XKR4: variants seen among roughly 807,000 people sequenced by gnomAD.
XKR4 encodes XK-related protein 4.
XKR4 carries 12 observed loss-of-function variants against 53.9 expected under a neutral mutation model. That is an observed-to-expected ratio of 0.22 (90% CI 0.14 to 0.36). The LOEUF is 0.36. Among genes scored for constraint, XKR4 ranks in the 10% least tolerant of loss-of-function variants. The probability of loss-of-function intolerance (pLI) is 1.00; values close to 1 mark genes in which losing one functional copy is unlikely to be tolerated. For missense variants in XKR4, 799 were observed against 859.5 expected (o/e 0.93, Z 0.88); for synonymous variants, 354 against 362.4 (o/e 0.98, Z 0.26).
At chr8:55,470,773 C>T (rs1238405799) in intron 2 of XKR4, among the ~76,000 whole-genome samples, 1 of 152,118 alleles carries the variant, frequency 6.6e-6, no homozygotes, top group African/African-American at 2.4e-5. Flanking sequence ...ATCCTTCCTA[C>T]TGATCACTTT....
intron 1 of XKR4, among the ~76,000 whole-genome samples, chr8:55,125,293 C>T (rs1205107130): frequency 6.6e-6 from 1 of 151,230 alleles, no homozygotes; most frequent in East Asian, 1.9e-4. Flanking sequence ...TGTAGTGACA[C>T]GATCTCAGCT....
chr8:55,348,691 T>TACACAC (rs796321076), intron 1 of XKR4, among the ~76,000 whole-genome samples: 3,194 of 136,170 alleles, frequency 0.023, 111 homozygotes, highest in African/African-American at 0.079. Flanking sequence ...CAGACAAACA[T>TACACAC]ACACACACAC....
At chr8:55,128,198 C>G (rs968516839) in intron 1 of XKR4, among the ~76,000 whole-genome samples, 7 of 152,040 alleles carry the variant, frequency 4.6e-5, no homozygotes, top group Admixed American at 4.6e-4. Flanking sequence ...GTCCCACCAA[C>G]AGTGTAAAAG....
Position 55,210,786 on chromosome 8 carries a change from TCA to T in XKR4, c.806+107495_806+107496del, listed in dbSNP as rs143157199. Among the ~76,000 whole-genome samples the T allele has an allele frequency of 8.7e-3, 1,328 of 152,256 alleles. 14 individuals carry two copies. The highest frequency in any genetic ancestry group is 0.031 in the Middle Eastern group (9 of 294). ...GGTCCCAGAAAAATGGGTTGCCAAT[TCA>T]CAGTTTGGATACAGAGGCTTTTATA... On this transcript the variant is annotated intron_variant, in intron 1 of 2. Transcript: ENST00000327381.
chr8:55,296,991 G>T (rs752428489), intron 1 of XKR4, among the ~76,000 whole-genome samples: 2 of 152,114 alleles, frequency 1.3e-5, no homozygotes, highest in South Asian at 2.1e-4. Flanking sequence ...ACGATTGAGG[G>T]TCTCTATTTC....
intron 2 of XKR4, among the ~76,000 whole-genome samples, chr8:55,470,645 G>A (rs541561894): frequency 6.6e-6 from 1 of 152,214 alleles, no homozygotes; most frequent in South Asian, 2.1e-4. Flanking sequence ...ATTTTTTAAA[G>A]CAAGGCAAGC....
intron 1 of XKR4, among the ~76,000 whole-genome samples, chr8:55,270,545 G>T (rs549467088): frequency 6.6e-6 from 1 of 152,164 alleles, no homozygotes; most frequent in South Asian, 2.1e-4. Flanking sequence ...GGCACCATGT[G>T]TTAACAGACT....
At chr8:55,106,810 T>C (rs927397561) in intron 1 of XKR4, among the ~76,000 whole-genome samples, 1 of 152,182 alleles carries the variant, frequency 6.6e-6, no homozygotes, top group Non-Finnish European at 1.5e-5. Context: ...GGTTTTGTTT[T>C]TGAGTCTCCA....
intron 1 of XKR4, chr8:55,164,127 C>G: frequency 2.2e-6 from 1 of 453,066 alleles, no homozygotes. Context: ...GACCACAGCC[C>G]CAGACCAGCC....
chr8:55,157,842 A>G (rs1451888198), intron 1 of XKR4, among the ~76,000 whole-genome samples: 2 of 151,884 alleles, frequency 1.3e-5, no homozygotes, highest in Non-Finnish European at 2.9e-5. Context: ...TGTTGCTGCA[A>G]AGGACATGAT....
At chr8:55,191,846 TC>T (rs1563479354) in intron 1 of XKR4, among the ~76,000 whole-genome samples, 1 of 152,132 alleles carries the variant, frequency 6.6e-6, no homozygotes, top group Non-Finnish European at 1.5e-5. Context: ...CAGCTGCCAT[TC>T]CTAAAAGTAT....
At chr8:55,448,549 G>A (rs1403047708) in intron 2 of XKR4, among the ~76,000 whole-genome samples, 2 of 152,186 alleles carry the variant, frequency 1.3e-5, no homozygotes, top group Non-Finnish European at 2.9e-5. Flanking sequence ...ATGTGGTTTG[G>A]GGAAGAGGCT....
chr8:55,286,604 G>A (rs1190090174), intron 1 of XKR4, among the ~76,000 whole-genome samples: 1 of 152,188 alleles, frequency 6.6e-6, no homozygotes, highest in Non-Finnish European at 1.5e-5. Context: ...GCTGTTGGAG[G>A]TCCCAGGGCA....
At chr8:55,403,783 C>A (rs1161955858) in intron 2 of XKR4, among the ~76,000 whole-genome samples, 1 of 152,212 alleles carries the variant, frequency 6.6e-6, no homozygotes, top group Non-Finnish European at 1.5e-5. Flanking sequence ...TTTCCTCCCT[C>A]TCTCCCTCAC....
intron 1 of XKR4, among the ~76,000 whole-genome samples, chr8:55,158,213 T>C (rs955328032): frequency 1.3e-5 from 2 of 152,238 alleles, no homozygotes; most frequent in Non-Finnish European, 2.9e-5. Flanking sequence ...TAGTGTGAGA[T>C]GGTATCCCAT....
chr8:55,264,143 G>A (rs558427899), intron 1 of XKR4, among the ~76,000 whole-genome samples: 2 of 152,224 alleles, frequency 1.3e-5, no homozygotes, highest in South Asian at 4.2e-4. Context: ...CAGGGCCTTG[G>A]CACCTGCTGT....
In XKR4 at chr8:55,523,635, G is replaced by A. The variant is rs1259367990; in HGVS notation, c.1361G>A (p.Arg454His). The change falls in exon 3 of 3, where the codon CGC (arginine) becomes CAC (histidine). Residue 454 changes from arginine to histidine, a missense_variant. Physicochemically the swap from Arg to His is conservative, Grantham distance 29. Coordinates refer to ENST00000327381, the MANE Select transcript of XKR4 (RefSeq NM_052898.2). ...TTCAATGTCAAGGAAGGCAGGACAC[G>A]CTGCAGGCTATTCATTTACTATTTT... ...SWFNVKEGRT[R>H]CRLFIYYFVI... 4 of 1,614,166 alleles carry A rather than the reference G, an allele frequency of 2.5e-6. No homozygotes were observed. Among genetic ancestry groups the A allele is most frequent in the Non-Finnish European group, 3.4e-6 (4 of 1,180,028 alleles).
At chr8:55,264,475 G>A (rs1818571226) in intron 1 of XKR4, among the ~76,000 whole-genome samples, 1 of 152,194 alleles carries the variant, frequency 6.6e-6, no homozygotes, top group Non-Finnish European at 1.5e-5. Flanking sequence ...GCTGTCCCTG[G>A]CTAACATCTG....
intron 1 of XKR4, among the ~76,000 whole-genome samples, chr8:55,148,063 G>C (rs1816794040): frequency 6.6e-6 from 1 of 152,062 alleles, no homozygotes; most frequent in South Asian, 2.1e-4. Flanking sequence ...CAAGTGCACT[G>C]GTCCATTTTA....
Sources: gnomAD v4.1 joint callset for allele counts (sites outside exome capture counted in the v4.1 genomes callset) on GRCh38, gnomAD v4.1.1 for gene constraint, MANE v1.5 for transcripts, NCBI Gene and HGNC (gene_info 2026-07-23, HGNC 2026-07-21) for gene names.